ZSWIM6: variants seen among roughly 807,000 people sequenced by gnomAD.
The protein encoded by ZSWIM6 is zinc finger SWIM domain-containing protein 6.
Under a neutral mutation model 113.2 loss-of-function variants are expected in ZSWIM6, and 9 were observed. That is an observed-to-expected ratio of 0.08 (90% CI 0.05 to 0.14). The LOEUF is 0.14. Among genes scored for constraint, ZSWIM6 ranks in the 10% least tolerant of loss-of-function variants. The pLI, the probability that ZSWIM6 is intolerant of heterozygous loss-of-function variation, is 1.00. For missense variants in ZSWIM6, 1,162 were observed against 1,552.2 expected, an observed-to-expected ratio of 0.75 and a Z score of 4.22; for synonymous variants, 611 against 606.5, an observed-to-expected ratio of 1.01 and a Z score of -0.11.
rs552059492 is a variant in ZSWIM6 at position 61,472,706 on chromosome 5, A to G, written c.702A>G (p.Thr234=). 1 of 1,541,354 alleles carries G rather than the reference A, an allele frequency of 6.5e-7. No individual in the cohort carries two copies. Among genetic ancestry groups the G allele is most frequent in the African/African-American group, 1.4e-5 (1 of 73,022 alleles). ...QVGFHLSGTV[T]EPAIQSEPET... The stretch of plus-strand genomic sequence containing the variant: ...GTTTCCACTTGAGCGGCACAGTGAC[A>G]GAACCTGCAATACAATCGGAGCCAG... Residue 234 remains threonine, a synonymous_variant, in exon 2 of 14, where the codon ACA becomes ACG. Transcript: ENST00000252744. The surrounding 1 kb of genome is among the most constrained non-coding windows in gnomAD (Gnocchi z 4.1).
intron 1 of ZSWIM6, among the ~76,000 whole-genome samples, chr5:61,333,199 C>T (rs956667731): frequency 7.2e-5 from 11 of 152,004 alleles, no homozygotes; most frequent in Non-Finnish European, 1.6e-4. Context: ...TCCGTGGGCT[C>T]CGCGCCCCCG....
chr5:61,381,041 G>T (rs1745462813), intron 1 of ZSWIM6, among the ~76,000 whole-genome samples: 3 of 151,690 alleles, frequency 2.0e-5, no homozygotes, highest in Admixed American at 6.6e-5. Flanking sequence ...CTGAAATCAG[G>T]AGTTCAAGAC....
At chr5:61,512,683 A>G (rs1052729848) in intron 4 of ZSWIM6, among the ~76,000 whole-genome samples, 4 of 152,068 alleles carry the variant, frequency 2.6e-5, no homozygotes, top group Non-Finnish European at 5.9e-5. Flanking sequence ...TACGTATATA[A>G]TGGTATCTCA....
intron 10 of ZSWIM6, among the ~76,000 whole-genome samples, chr5:61,536,822 T>A (rs183646696): frequency 6.6e-6 from 1 of 152,220 alleles, no homozygotes; most frequent in Non-Finnish European, 1.5e-5. Flanking sequence ...TGCTGGAGAA[T>A]CTTCTTAAGT....
At chr5:61,413,730 T>C (rs996961619) in intron 1 of ZSWIM6, among the ~76,000 whole-genome samples, 11 of 152,194 alleles carry the variant, frequency 7.2e-5, no homozygotes, top group Admixed American at 1.3e-4. Flanking sequence ...TGGTGTGAGA[T>C]GGTATCTCAT....
chr5:61,392,699 G>C (rs546973237), intron 1 of ZSWIM6, among the ~76,000 whole-genome samples: 1 of 152,060 alleles, frequency 6.6e-6, no homozygotes, highest in Non-Finnish European at 1.5e-5. Context: ...CGCAACCTCC[G>C]CCTCCCAGAT....
At chr5:61,496,473 A>C (rs935209438) in intron 4 of ZSWIM6, among the ~76,000 whole-genome samples, 1 of 152,164 alleles carries the variant, frequency 6.6e-6, no homozygotes, top group African/African-American at 2.4e-5. Context: ...AAATGGGGGA[A>C]TTTGACTTTG....
chr5:61,412,504 T>C (rs1746166459), intron 1 of ZSWIM6, among the ~76,000 whole-genome samples: 1 of 152,204 alleles, frequency 6.6e-6, no homozygotes. Context: ...TGGCAGCACA[T>C]TTGTGTCTTA....
chr5:61,396,583 A>G (rs1295239493), intron 1 of ZSWIM6, among the ~76,000 whole-genome samples: 1 of 152,072 alleles, frequency 6.6e-6, no homozygotes, highest in Non-Finnish European at 1.5e-5. Context: ...TGTGAATACA[A>G]CATTGTATTT....
At chr5:61,364,760 G>A (rs992514043) in intron 1 of ZSWIM6, among the ~76,000 whole-genome samples, 7 of 152,124 alleles carry the variant, frequency 4.6e-5, no homozygotes, top group Admixed American at 2.0e-4. Context: ...AGGGGGTCAT[G>A]CATGCCTCTT....
chr5:61,522,161 C>T (rs1357421214), intron 5 of ZSWIM6, among the ~76,000 whole-genome samples: 6 of 150,662 alleles, frequency 4.0e-5, no homozygotes, highest in Admixed American at 3.3e-4. Flanking sequence ...CAACCCAAGT[C>T]TCTCCCATCT....
chr5:61,513,636 T>A (rs1302835729), intron 4 of ZSWIM6, among the ~76,000 whole-genome samples: 1 of 152,108 alleles, frequency 6.6e-6, no homozygotes, highest in Non-Finnish European at 1.5e-5. Context: ...ATGATCCACT[T>A]TGAGTTTTTT....
rs1385329860 is a variant in ZSWIM6, at chr5:61,545,074, CAA to C, written c.*761_*762del. The C allele has an allele frequency of 1.1e-5, 1 of 93,178 alleles. No homozygotes were observed. Among genetic ancestry groups the C allele is most frequent in the Non-Finnish European group, 2.0e-5 (1 of 50,902 alleles). The allele number at this position is 93,178 out of a possible 1,614,324, so 5.8% of individuals were successfully genotyped here. Reference sequence around the variant, plus strand: ...GAAGCTGCAGTAGCTTGGTTTTAAACAAAAACAAAAAAAAAACTGAGAGAAAA... The same window carrying C: ...GAAGCTGCAGTAGCTTGGTTTTAAACAAACAAAAAAAAAACTGAGAGAAAA... On this transcript the variant is annotated 3_prime_UTR_variant, in exon 14 of 14. Coordinates refer to ENST00000252744, the MANE Select transcript of ZSWIM6 (RefSeq NM_020928.2).
At chr5:61,438,055 T>G (rs967560449) in intron 1 of ZSWIM6, among the ~76,000 whole-genome samples, 2 of 152,214 alleles carry the variant, frequency 1.3e-5, no homozygotes, top group Middle Eastern at 3.2e-3. Flanking sequence ...AATTATAATT[T>G]ATATTATGAG....
intron 1 of ZSWIM6, among the ~76,000 whole-genome samples, chr5:61,461,315 G>A (rs764239703): frequency 6.6e-6 from 1 of 152,114 alleles, no homozygotes; most frequent in Non-Finnish European, 1.5e-5. Context: ...TATTACTGCT[G>A]CCTCCCTCCA....
chr5:61,374,801 C>T (rs532165096), intron 1 of ZSWIM6, among the ~76,000 whole-genome samples: 1 of 152,034 alleles, frequency 6.6e-6, no homozygotes, highest in East Asian at 1.9e-4. Flanking sequence ...ATGATCCGCC[C>T]GCCTCGGCCT....
At chr5:61,467,144 T>G (rs111412972) in intron 1 of ZSWIM6, among the ~76,000 whole-genome samples, 2 of 152,236 alleles carry the variant, frequency 1.3e-5, no homozygotes, top group Non-Finnish European at 2.9e-5. Flanking sequence ...AACTTTCTGG[T>G]ATCACTCTTA....
intron 1 of ZSWIM6, among the ~76,000 whole-genome samples, chr5:61,339,452 A>G (rs761973490): frequency 1.3e-5 from 2 of 152,162 alleles, no homozygotes; most frequent in African/African-American, 2.4e-5. Context: ...CTATTTCCAC[A>G]TGCTTTATAT....
chr5:61,505,649 TC>T, intron 4 of ZSWIM6, among the ~76,000 whole-genome samples: 1 of 108,458 alleles, frequency 9.2e-6, no homozygotes, highest in Non-Finnish European at 2.0e-5. Flanking sequence ...CTTCCTTCCT[TC>T]CTTCCTTCCT....
Sources: allele counts gnomAD v4.1 joint callset (sites outside exome capture counted in the v4.1 genomes callset), GRCh38; gene constraint gnomAD v4.1.1; non-coding constraint Gnocchi (gnomAD v3.1); transcripts MANE v1.5; gene names NCBI Gene and HGNC (gene_info 2026-07-23, HGNC 2026-07-21).